The following PTPRD variants were observed in gnomAD, a reference collection of about 807,000 sequenced individuals.
PTPRD encodes the protein receptor-type tyrosine-protein phosphatase delta.
Under a neutral mutation model 214.5 loss-of-function variants are expected in PTPRD, and 34 were observed. The ratio of observed to expected loss-of-function variants is 0.16; its 90% confidence interval spans 0.12 to 0.21. The LOEUF is 0.21. Among genes scored for constraint, PTPRD ranks in the 10% least tolerant of loss-of-function variants. The probability of loss-of-function intolerance (pLI) is 1.00; values close to 1 mark genes in which losing one functional copy is unlikely to be tolerated. For missense variants in PTPRD, 2,545 were observed against 2,398.7 expected, an observed-to-expected ratio of 1.06 and a Z score of -1.27; for synonymous variants, 1,128 against 845.7, an observed-to-expected ratio of 1.33 and a Z score of -5.79.
At chr9:9,157,877 AC>A (rs2099882640) in intron 10 of PTPRD, among the ~76,000 whole-genome samples, 1 of 151,536 alleles carries the variant, frequency 6.6e-6, no homozygotes, top group Non-Finnish European at 1.5e-5. Context: ...CCCTTGCCTG[AC>A]CCCCCAACAG....
intron 29 of PTPRD, among the ~76,000 whole-genome samples, chr9:8,484,605 G>GATATATATATATATATATAT (rs1392070274): frequency 7.4e-5 from 9 of 121,514 alleles, no homozygotes; most frequent in African/African-American, 2.5e-4. Context: ...AATACACAAA[G>GATATATATATATATATATAT]ATAGATATAT....
chr9:10,418,811 A>T (rs1201653843), intron 2 of PTPRD, among the ~76,000 whole-genome samples: 1 of 151,874 alleles, frequency 6.6e-6, no homozygotes, highest in Non-Finnish European at 1.5e-5. Flanking sequence ...TATTAACTGG[A>T]CAACAGAGAT....
intron 11 of PTPRD, among the ~76,000 whole-genome samples, chr9:8,745,454 G>A (rs1457117663): frequency 6.6e-6 from 1 of 152,122 alleles, no homozygotes; most frequent in Admixed American, 6.6e-5. Context: ...TTAAAGGCGG[G>A]GTATAGGAAG....
intron 10 of PTPRD, among the ~76,000 whole-genome samples, chr9:9,101,221 G>T (rs1277523554): frequency 2.0e-5 from 3 of 151,990 alleles, no homozygotes; most frequent in African/African-American, 7.2e-5. Flanking sequence ...GCTCATTATA[G>T]ATATAAAAAA....
intron 8 of PTPRD, among the ~76,000 whole-genome samples, chr9:9,500,909 T>C (rs2096392741): frequency 6.6e-6 from 1 of 152,068 alleles, no homozygotes; most frequent in Non-Finnish European, 1.5e-5. Context: ...CTCTATTTTA[T>C]GTGAAATTGT....
At chr9:10,256,874 A>G (rs7037508) in intron 3 of PTPRD, among the ~76,000 whole-genome samples, 8,461 of 152,100 alleles carry the variant, frequency 0.056, 498 homozygotes, top group East Asian at 0.14. Flanking sequence ...TAAATACTCT[A>G]TTTACTTAAC....
At chr9:9,261,471 A>G (rs1569565965) in intron 9 of PTPRD, among the ~76,000 whole-genome samples, 1 of 151,866 alleles carries the variant, frequency 6.6e-6, no homozygotes, top group Non-Finnish European at 1.5e-5. Context: ...GGGAGAGACA[A>G]TAAAAATGAA....
chr9:10,216,004 A>T (rs186575609), intron 3 of PTPRD, among the ~76,000 whole-genome samples: 13 of 152,132 alleles, frequency 8.5e-5, no homozygotes, highest in Admixed American at 5.9e-4. Flanking sequence ...AACTTTTTCT[A>T]AGGAAAAGTG....
intron 3 of PTPRD, among the ~76,000 whole-genome samples, chr9:10,174,032 T>C (rs1283765971): frequency 1.3e-5 from 2 of 152,190 alleles, no homozygotes; most frequent in African/African-American, 4.8e-5. Context: ...TTTAGAACTC[T>C]ATGTCTGAGC....
chr9:8,461,708 C>G (rs2096409309), intron 32 of PTPRD, among the ~76,000 whole-genome samples: 1 of 151,662 alleles, frequency 6.6e-6, no homozygotes, highest in African/African-American at 2.4e-5. Context: ...TTATCTCTGG[C>G]TCTCTCAATT....
chr9:8,362,681 A>C (rs892909403), intron 39 of PTPRD, among the ~76,000 whole-genome samples: 1 of 152,208 alleles, frequency 6.6e-6, no homozygotes, highest in African/African-American at 2.4e-5. Flanking sequence ...CATCATCATA[A>C]TCATCATCAG....
At chr9:9,225,838 G>A (rs2099959107) in intron 9 of PTPRD, among the ~76,000 whole-genome samples, 1 of 151,958 alleles carries the variant, frequency 6.6e-6, no homozygotes, top group Non-Finnish European at 1.5e-5. Flanking sequence ...TGTCTTTAGG[G>A]TATTTAGGAA....
chr9:10,588,750 C>T (rs1408711208), intron 2 of PTPRD, among the ~76,000 whole-genome samples: 3 of 151,814 alleles, frequency 2.0e-5, no homozygotes, highest in Admixed American at 6.6e-5. Flanking sequence ...CGATCTCTTC[C>T]TTTAGGTCTT....
At chr9:10,050,625 T>C (rs562361669) in intron 3 of PTPRD, among the ~76,000 whole-genome samples, 15 of 140,844 alleles carry the variant, frequency 1.1e-4, no homozygotes, top group African/African-American at 3.5e-4. Flanking sequence ...TCTAACTTGA[T>C]TTGGGGCAAT....
chr9:9,789,669 C>A (rs543581456), intron 5 of PTPRD, among the ~76,000 whole-genome samples: 1 of 151,380 alleles, frequency 6.6e-6, no homozygotes, highest in Non-Finnish European at 1.5e-5. Flanking sequence ...TGGTGGTGGG[C>A]GCCTGTAGTC....
At chr9:8,946,330 C>G (rs191908480) in intron 11 of PTPRD, among the ~76,000 whole-genome samples, 1 of 152,058 alleles carries the variant, frequency 6.6e-6, no homozygotes, top group Non-Finnish European at 1.5e-5. Flanking sequence ...ACCACCCCCC[C>G]ACCACCCCAA....
At chr9:8,388,840 AAGAAAAAGT>A (rs2088255495) in intron 37 of PTPRD, among the ~76,000 whole-genome samples, 1 of 152,204 alleles carries the variant, frequency 6.6e-6, no homozygotes, top group African/African-American at 2.4e-5. Context: ...GATTTTAAGA[AAGAAAAAGT>A]TGAAAATAGT....
intron 14 of PTPRD, among the ~76,000 whole-genome samples, chr9:8,573,975 T>C (rs913033533): frequency 3.3e-5 from 5 of 151,960 alleles, no homozygotes; most frequent in African/African-American, 1.2e-4. Context: ...ATACTAATTA[T>C]TCATCCTTGT....
chr9:8,734,090 T>G lies in PTPRD; in HGVS notation c.-103-144A>C, dbSNP rs146614381. 3.5e-3 allele frequency: 1,924 copies of G among 551,160 alleles called. 24 individuals carry two copies. Among genetic ancestry groups the G allele is most frequent in the South Asian group, 0.018 (841 of 47,434 alleles). The allele number at this position is 551,160 out of a possible 1,614,324, so 34.1% of individuals were successfully genotyped here. ...CACAATAAATTGTAACTGTCATACT[T>G]TGTTTGTATTAGGAAGGAAATAACT... On this transcript the variant is annotated intron_variant, in intron 11 of 45. Transcript: ENST00000381196.
Sources: gnomAD v4.1 joint callset for allele counts (sites outside exome capture counted in the v4.1 genomes callset) on GRCh38, gnomAD v4.1.1 for gene constraint, MANE v1.5 for transcripts, NCBI Gene and HGNC (gene_info 2026-07-23, HGNC 2026-07-21) for gene names.